Variants in TRPS1 observed in about 807,000 individuals in gnomAD.
TRPS1 encodes zinc finger transcription factor Trps1.
In TRPS1, 6 loss-of-function variants were observed where a neutral mutation model predicts 101.2. That is an observed-to-expected ratio of 0.06 (90% confidence interval 0.03 to 0.12). The LOEUF (loss-of-function observed/expected upper bound fraction) is 0.12, where lower values mean the gene tolerates loss of function less well. TRPS1 is among the 10% of genes least tolerant of loss of function. TRPS1 has a pLI of 1.00. For missense variants in TRPS1, 1,363 were observed against 1,567.0 expected (o/e 0.87, Z 2.20); for synonymous variants, 578 against 589.8 (o/e 0.98, Z 0.29).
At chr8:115,530,946 G>C (rs1375384188) in intron 5 of TRPS1, among the ~76,000 whole-genome samples, 2 of 152,064 alleles carry the variant, frequency 1.3e-5, no homozygotes, top group Admixed American at 1.3e-4. Context: ...GGGGGAAGGG[G>C]GGAGGGATAG....
intron 5 of TRPS1, among the ~76,000 whole-genome samples, chr8:115,521,198 G>A (rs1035544565): frequency 6.6e-6 from 1 of 151,592 alleles, no homozygotes; most frequent in Non-Finnish European, 1.5e-5. Flanking sequence ...TCTTCTTCTG[G>A]TGTGCACACA....
chr8:115,555,132 AC>A (rs1816788162), intron 5 of TRPS1, among the ~76,000 whole-genome samples: 1 of 152,208 alleles, frequency 6.6e-6, no homozygotes, highest in South Asian at 2.1e-4. Context: ...TTTAACAGAC[AC>A]TTAACAATCA....
At chr8:115,649,416 T>C (rs1031637588) in intron 1 of TRPS1, among the ~76,000 whole-genome samples, 2 of 152,208 alleles carry the variant, frequency 1.3e-5, no homozygotes, top group African/African-American at 4.8e-5. Flanking sequence ...CTCTGCTACT[T>C]GCTACCTGTT....
intron 5 of TRPS1, among the ~76,000 whole-genome samples, chr8:115,530,973 T>A (rs1384039671): frequency 1.3e-5 from 2 of 152,038 alleles, no homozygotes; most frequent in African/African-American, 2.4e-5. Flanking sequence ...GAGATATACC[T>A]AATGTAAATG....
intron 5 of TRPS1, among the ~76,000 whole-genome samples, chr8:115,497,211 A>G (rs2130126086): frequency 6.6e-6 from 1 of 152,250 alleles, no homozygotes; most frequent in South Asian, 2.1e-4. Context: ...GATGAGGGGT[A>G]TGGTTTGGGG....
chr8:115,438,668 C>G (rs772136672), intron 5 of TRPS1, among the ~76,000 whole-genome samples: 3 of 152,146 alleles, frequency 2.0e-5, no homozygotes, highest in Non-Finnish European at 4.4e-5. Context: ...ATTCATCTTT[C>G]TCCAGATGGT....
intron 2 of TRPS1, among the ~76,000 whole-genome samples, chr8:115,620,581 A>T (rs897084667): frequency 2.0e-5 from 3 of 152,312 alleles, no homozygotes; most frequent in African/African-American, 7.2e-5. Flanking sequence ...TTGTTACCCT[A>T]TGTAACCGGG....
rs890966814 is a variant in TRPS1 at position 115,434,930 on chromosome 8, C to G, written c.2701-16478G>C. Among the ~76,000 whole-genome samples the G allele has an allele frequency of 2.0e-5, 3 of 152,310 alleles. No individual in the cohort carries two copies. In the South Asian group the frequency reaches 6.2e-4, roughly 32 times the overall value. On this transcript the variant is annotated intron_variant, in intron 5 of 6. Transcript: ENST00000395715. ...ACTTATAAACTCTGCCTCCTCTTCT[C>G]TCTTAGGAAAAGAGTCTGCTTCCCA...
intron 5 of TRPS1, among the ~76,000 whole-genome samples, chr8:115,564,186 A>C (rs1178871792): frequency 6.6e-6 from 1 of 152,120 alleles, no homozygotes; most frequent in Non-Finnish European, 1.5e-5. Flanking sequence ...CAGCGATTAA[A>C]TACAATACTA....
intron 4 of TRPS1, among the ~76,000 whole-genome samples, chr8:115,596,169 G>A (rs1003697516): frequency 3.0e-4 from 46 of 151,836 alleles, no homozygotes; most frequent in Admixed American, 2.5e-3. Flanking sequence ...AAATGCATTC[G>A]TAAATCTCCT....
At chr8:115,616,785 G>T (rs1586461765) in intron 3 of TRPS1, among the ~76,000 whole-genome samples, 1 of 152,038 alleles carries the variant, frequency 6.6e-6, no homozygotes, top group Non-Finnish European at 1.5e-5. Context: ...CTACATTAAA[G>T]AAATTCTATA....
chr8:115,604,715 T>C lies in TRPS1; in HGVS notation c.1254A>G (p.Ala418=), dbSNP rs1264849423. Residue 418 remains alanine (A), a synonymous_variant, in exon 4 of 7, where the codon GCA becomes GCG. Transcript: ENST00000395715. This position sits in a 1 kb window ranked among gnomAD's most constrained non-coding sequence, Gnocchi z 4.1. ...AGTACCCAACAGGAGTGTCATCTCC[T>C]GCTTTGACTGTTATCTTGTCCTGCC... ...GKWQDKITVK[A]GDDTPVGYSV... 1 of 1,613,892 alleles carries C rather than the reference T, an allele frequency of 6.2e-7. No individual in the cohort carries two copies. The highest frequency in any genetic ancestry group is 8.5e-7 in the Non-Finnish European group (1 of 1,179,888).
In TRPS1 at chr8:115,418,572, C is replaced by T. The variant is rs1812978592; in HGVS notation, c.2701-120G>A. ...ACAATGACAGTATAAAACCACACTG[C>T]CCATAATGAGGTCAGGTTCAATTGT... On this transcript the variant is annotated intron_variant, in intron 5 of 6. Transcript: ENST00000395715. This position sits in a 1 kb window ranked among gnomAD's most constrained non-coding sequence, Gnocchi z 4.3. 4 of 1,363,498 alleles carry T rather than the reference C, an allele frequency of 2.9e-6. No individual in the cohort carries two copies. The highest frequency in any genetic ancestry group is 4.2e-6 in the Non-Finnish European group (4 of 962,146). 84.5% of individuals were successfully genotyped at this position (1,363,498 alleles called of 1,614,324 possible). A position where few individuals can be genotyped will look rare whatever the true frequency, so the allele number is the denominator to read the frequency against.
At chr8:115,640,289 G>C (rs1485302110) in intron 1 of TRPS1, among the ~76,000 whole-genome samples, 2 of 152,148 alleles carry the variant, frequency 1.3e-5, no homozygotes, top group African/African-American at 4.8e-5. Context: ...TGGTAAAAGA[G>C]ACACAGGTTC....
intron 5 of TRPS1, among the ~76,000 whole-genome samples, chr8:115,481,795 A>G (rs1291885797): frequency 1.3e-5 from 2 of 152,208 alleles, no homozygotes; most frequent in Non-Finnish European, 1.5e-5. Flanking sequence ...ATATCTTGGT[A>G]TAACTCAAAT....
chr8:115,539,252 G>A (rs1208904971), intron 5 of TRPS1, among the ~76,000 whole-genome samples: 2 of 152,180 alleles, frequency 1.3e-5, no homozygotes, highest in Non-Finnish European at 2.9e-5. Flanking sequence ...CACTGGTATA[G>A]GTAGCAACAA....
intron 1 of TRPS1, among the ~76,000 whole-genome samples, chr8:115,651,671 G>A (rs2737252): frequency 0.24 from 36,473 of 152,160 alleles, 4,832 homozygotes; most frequent in Admixed American, 0.3. Flanking sequence ...AGCACAAGGC[G>A]GGGATGTTTT....
rs748393533 is a variant in TRPS1 at position 115,623,656 on chromosome 8, T to G, written c.-19A>C. On this transcript the variant is annotated 5_prime_UTR_variant, in exon 2 of 7. Transcript: ENST00000395715. ...AAGGCATGTGGCTTTAGAGTGCTTT[T>G]TACAATTATTAATTCTATTAGTCAA... 6.2e-7 allele frequency: 1 copy of G among 1,611,032 alleles called. No individual in the cohort carries two copies. The highest frequency in any genetic ancestry group is 1.3e-5 in the African/African-American group (1 of 74,844).
chr8:115,629,236 T>C (rs546404468), intron 1 of TRPS1, among the ~76,000 whole-genome samples: 4 of 152,030 alleles, frequency 2.6e-5, no homozygotes, highest in African/African-American at 4.8e-5. Flanking sequence ...GAGGGCTGTT[T>C]TGAAGGATTT....
Sources: gnomAD v4.1 joint callset for allele counts (sites outside exome capture counted in the v4.1 genomes callset) on GRCh38, gnomAD v4.1.1 for gene constraint, Gnocchi (gnomAD v3.1) non-coding constraint, MANE v1.5 for transcripts, NCBI Gene and HGNC (gene_info 2026-07-23, HGNC 2026-07-21) for gene names.